SLC4A10: variants seen among roughly 807,000 people sequenced by gnomAD.
The protein encoded by SLC4A10 is solute carrier family 4 member 10, also known as sodium-driven chloride bicarbonate exchanger.
SLC4A10 carries 42 observed loss-of-function variants against 137.7 expected under a neutral mutation model. That is an observed-to-expected ratio of 0.30 (90% confidence interval 0.24 to 0.39). The LOEUF is 0.39. Among genes scored for constraint, SLC4A10 ranks in the 10% least tolerant of loss-of-function variants. The pLI is 1.00. For missense variants in SLC4A10, 925 were observed against 1,355.0 expected, an observed-to-expected ratio of 0.68 and a Z score of 4.98; for synonymous variants, 474 against 464.1, an observed-to-expected ratio of 1.02 and a Z score of -0.27.
chr2:161,968,795 T>TA (rs1249487392), intron 23 of SLC4A10, among the ~76,000 whole-genome samples: 1 of 152,180 alleles, frequency 6.6e-6, no homozygotes, highest in Non-Finnish European at 1.5e-5. Context: ...GAATTAGTAT[T>TA]AAAAGAGTAT....
chr2:161,938,626 A>G (rs1378977727), intron 15 of SLC4A10, among the ~76,000 whole-genome samples: 1 of 151,660 alleles, frequency 6.6e-6, no homozygotes, highest in Non-Finnish European at 1.5e-5. Flanking sequence ...GCATATAATT[A>G]TCATTGAGAA....
At chr2:161,804,879 A>G (rs2055764800) in intron 3 of SLC4A10, among the ~76,000 whole-genome samples, 1 of 152,152 alleles carries the variant, frequency 6.6e-6, no homozygotes, top group Non-Finnish European at 1.5e-5. Flanking sequence ...ATCATTACTC[A>G]AAGTGGTTTG....
At chr2:161,946,767 T>C (rs973052481) in intron 16 of SLC4A10, among the ~76,000 whole-genome samples, 4 of 152,196 alleles carry the variant, frequency 2.6e-5, no homozygotes, top group Non-Finnish European at 4.4e-5. Flanking sequence ...TTCAGGCTCT[T>C]ACAGAACTAC....
In SLC4A10 at chr2:161,678,664, A is replaced by G. The variant is rs73020066; in HGVS notation, c.48+54098A>G. Among the ~76,000 whole-genome samples, 1,011 of 152,212 alleles carry G rather than the reference A, an allele frequency of 6.6e-3. 11 individuals are homozygous for G. Among genetic ancestry groups the G allele is most frequent in the African/African-American group, 0.023 (963 of 41,554 alleles). Reference sequence around the variant, plus strand: ...ACAGATAACCATTATTCCAATGTCTATTACCATAGATTAGTTTTACCTCTT... The same window carrying G: ...ACAGATAACCATTATTCCAATGTCTGTTACCATAGATTAGTTTTACCTCTT... On this transcript the variant is annotated intron_variant, in intron 1 of 26. Transcript: ENST00000446997.
At chr2:161,722,481 G>T (rs941203239) in intron 1 of SLC4A10, among the ~76,000 whole-genome samples, 3 of 152,166 alleles carry the variant, frequency 2.0e-5, no homozygotes, top group Non-Finnish European at 4.4e-5. Flanking sequence ...GTCCTCTCCA[G>T]ATCTTATTTA....
chr2:161,710,954 A>G (rs978791572), intron 1 of SLC4A10, among the ~76,000 whole-genome samples: 4 of 151,878 alleles, frequency 2.6e-5, no homozygotes, highest in Non-Finnish European at 5.9e-5. Flanking sequence ...GCAGTATGCT[A>G]CAATCAGTTT....
intron 15 of SLC4A10, among the ~76,000 whole-genome samples, chr2:161,924,869 G>A (rs1046444715): frequency 6.6e-6 from 1 of 152,152 alleles, no homozygotes; most frequent in Non-Finnish European, 1.5e-5. Context: ...GAGTAGTAAA[G>A]CAAAATGAAT....
chr2:161,699,565 A>G (rs2042923636), intron 1 of SLC4A10, among the ~76,000 whole-genome samples: 1 of 152,210 alleles, frequency 6.6e-6, no homozygotes, highest in African/African-American at 2.4e-5. Context: ...ATGGAGGAAT[A>G]TGAAAGTGAA....
At chr2:161,953,485 G>A (rs973279650) in intron 19 of SLC4A10, among the ~76,000 whole-genome samples, 1 of 151,940 alleles carries the variant, frequency 6.6e-6, no homozygotes. Flanking sequence ...GCGGGCACCT[G>A]TAATCCCAGC....
intron 23 of SLC4A10, among the ~76,000 whole-genome samples, chr2:161,967,430 T>C: frequency 6.6e-6 from 1 of 152,202 alleles, no homozygotes; most frequent in Admixed American, 6.5e-5. Context: ...AAATAAAAAT[T>C]CATCAAGTAT....
In SLC4A10 at chr2:161,848,955, G is replaced by T. The variant is rs143804159; in HGVS notation, c.417-6015G>T. Among the ~76,000 whole-genome samples the T allele has an allele frequency of 1.1e-3, 173 of 152,188 alleles. 6 individuals carry two copies. The South Asian group carries it at 0.036, about 31-fold the overall frequency. On this transcript the variant is annotated intron_variant, in intron 4 of 26. Coordinates refer to ENST00000446997, the MANE Select transcript of SLC4A10 (RefSeq NM_001178015.2). The stretch of plus-strand genomic sequence containing the variant: ...TAATTTTGTAAAAATGTTATTGGTA[G>T]GTTGATAGGAATAGCACTGAATCTG...
chr2:161,626,917 A>G (rs79019457), intron 1 of SLC4A10, among the ~76,000 whole-genome samples: 90 of 152,262 alleles, frequency 5.9e-4, no homozygotes, highest in African/African-American at 1.8e-3. Context: ...TAATCAGACG[A>G]CTTTGCAAAT....
At chr2:161,889,603 G>A (rs907398396) in intron 10 of SLC4A10, among the ~76,000 whole-genome samples, 1 of 152,130 alleles carries the variant, frequency 6.6e-6, no homozygotes, top group African/African-American at 2.4e-5. Context: ...ATGGCAGTTT[G>A]TATTTCTGTG....
chr2:161,890,635 TTTGC>T, intron 10 of SLC4A10, among the ~76,000 whole-genome samples: 1 of 152,266 alleles, frequency 6.6e-6, no homozygotes, highest in East Asian at 1.9e-4. Context: ...TTGCTTTCCA[TTTGC>T]TTGGTAAATG....
intron 2 of SLC4A10, among the ~76,000 whole-genome samples, chr2:161,780,376 G>A (rs1248866426): frequency 5.3e-5 from 8 of 151,972 alleles, no homozygotes; most frequent in Non-Finnish European, 8.8e-5. Flanking sequence ...AAAACAAAAA[G>A]GACAGTGAGA....
intron 1 of SLC4A10, among the ~76,000 whole-genome samples, chr2:161,769,420 C>G (rs1274889435): frequency 1.3e-5 from 2 of 151,860 alleles, no homozygotes; most frequent in Non-Finnish European, 2.9e-5. Context: ...TAAGTCTAGT[C>G]AAAGATCTAA....
intron 1 of SLC4A10, among the ~76,000 whole-genome samples, chr2:161,700,302 A>G (rs1469088936): frequency 6.6e-6 from 1 of 152,150 alleles, no homozygotes; most frequent in Admixed American, 6.5e-5. Flanking sequence ...AAGAGAGGTT[A>G]CTGGATTTTG....
At chr2:161,932,603 C>A (rs1690608360) in intron 15 of SLC4A10, among the ~76,000 whole-genome samples, 1 of 152,078 alleles carries the variant, frequency 6.6e-6, no homozygotes, top group Non-Finnish European at 1.5e-5. Context: ...AGGATCAGAT[C>A]ATGGAGGAAC....
intron 1 of SLC4A10, among the ~76,000 whole-genome samples, chr2:161,719,968 C>T (rs542184317): frequency 8.0e-4 from 122 of 152,254 alleles, no homozygotes; most frequent in Middle Eastern, 3.4e-3. Context: ...AAGTCCTTGC[C>T]CATGCATATG....
Sources: allele counts gnomAD v4.1 joint callset (sites outside exome capture counted in the v4.1 genomes callset), GRCh38; gene constraint gnomAD v4.1.1; transcripts MANE v1.5; gene names NCBI Gene and HGNC (gene_info 2026-07-23, HGNC 2026-07-21).